Variants in SND1 observed in about 807,000 individuals in gnomAD.
SND1 encodes the protein staphylococcal nuclease and tudor domain containing 1, also known as staphylococcal nuclease domain-containing protein 1.
In SND1, 38 loss-of-function variants were observed where a neutral mutation model predicts 121.7. The ratio of observed to expected loss-of-function variants is 0.31; its 90% CI spans 0.24 to 0.41. The LOEUF (loss-of-function observed/expected upper bound fraction) is 0.41. SND1 is among the 10% of genes least tolerant of loss of function. The probability of loss-of-function intolerance (pLI) is 1.00; values close to 1 mark genes in which losing one functional copy is unlikely to be tolerated. For synonymous variants in SND1, 401 were observed against 447.4 expected, an observed-to-expected ratio of 0.90 and a Z score of 1.31; for missense variants, 868 against 1,184.6, an observed-to-expected ratio of 0.73 and a Z score of 3.92.
intron 10 of SND1, among the ~76,000 whole-genome samples, chr7:127,796,221 T>C (rs1331179189): frequency 6.6e-6 from 1 of 152,078 alleles, no homozygotes; most frequent in Non-Finnish European, 1.5e-5. Flanking sequence ...CAGTTTGTAT[T>C]CAACTAGTAT....
rs539004606 is a variant in SND1, at chr7:127,707,018, G to A, written c.948-539G>A. On this transcript the variant is annotated intron_variant, in intron 8 of 23. Transcript: ENST00000354725. ...TAGTCTGGCTCAGAAAATATCTACT[G>A]GGCATAATACTTCAAAATAAATTTC... Among the ~76,000 whole-genome samples the A allele has an allele frequency of 3.3e-5, 5 of 152,058 alleles. No individual in the cohort carries two copies. In the South Asian group the frequency reaches 1.0e-3, roughly 31 times the overall value.
chr7:127,790,567 A>G (rs1304445359), intron 10 of SND1, among the ~76,000 whole-genome samples: 4 of 152,138 alleles, frequency 2.6e-5, no homozygotes, highest in Non-Finnish European at 4.4e-5. Flanking sequence ...CTTTTTCTTC[A>G]TAAGTAAAAA....
chr7:127,890,732 G>C (rs956709733), intron 13 of SND1, among the ~76,000 whole-genome samples: 8 of 152,142 alleles, frequency 5.3e-5, no homozygotes, highest in African/African-American at 1.9e-4. Context: ...AGCATTCATA[G>C]ATAGTGAAAT....
intron 11 of SND1, among the ~76,000 whole-genome samples, chr7:127,809,542 A>T (rs540391862): frequency 6.6e-6 from 1 of 152,326 alleles, no homozygotes; most frequent in Admixed American, 6.5e-5. Flanking sequence ...ACATCATTGC[A>T]CATTTCTACC....
Position 128,035,336 on chromosome 7 carries a change from G to A in SND1, c.1780-39166G>A, listed in dbSNP as rs946419369. On this transcript the variant is annotated intron_variant, in intron 16 of 23. Coordinates refer to ENST00000354725, the MANE Select transcript of SND1 (RefSeq NM_014390.4). The stretch of plus-strand genomic sequence containing the variant: ...TCCTTTGGAATTGTAGCCAAGTCTT[G>A]GAAATGGGCCACAAAGTTAAGTGAG... Among the ~76,000 whole-genome samples the A allele has an allele frequency of 3.3e-5, 5 of 152,220 alleles. No individual in the cohort carries two copies. In the South Asian group the frequency reaches 6.2e-4, roughly 19 times the overall value.
intron 15 of SND1, among the ~76,000 whole-genome samples, chr7:127,971,564 C>T (rs1801986566): frequency 6.6e-6 from 1 of 152,074 alleles, no homozygotes; most frequent in Admixed American, 6.6e-5. Flanking sequence ...TCAGAAAATA[C>T]ATACAAAGAT....
chr7:128,012,434 T>C (rs939005224), intron 16 of SND1, among the ~76,000 whole-genome samples: 4 of 152,184 alleles, frequency 2.6e-5, no homozygotes, highest in African/African-American at 4.8e-5. Context: ...TGCAGCTGCA[T>C]TGTAACACAT....
chr7:127,734,052 C>G (rs148270211), intron 10 of SND1, among the ~76,000 whole-genome samples: 1 of 152,210 alleles, frequency 6.6e-6, no homozygotes, highest in East Asian at 1.9e-4. Flanking sequence ...TTGCTCTTAC[C>G]AATGGAAGAG....
chr7:127,816,936 C>G (rs1798453801), intron 11 of SND1, among the ~76,000 whole-genome samples: 1 of 152,168 alleles, frequency 6.6e-6, no homozygotes, highest in South Asian at 2.1e-4. Context: ...GCTAGAATTA[C>G]AGGTATGAGC....
chr7:127,762,242 C>T (rs1797318067), intron 10 of SND1, among the ~76,000 whole-genome samples: 1 of 152,110 alleles, frequency 6.6e-6, no homozygotes, highest in Admixed American at 6.5e-5. Context: ...AACAAAATAC[C>T]ATAGACTCAA....
At chr7:127,974,986 A>G (rs547800114) in intron 15 of SND1, among the ~76,000 whole-genome samples, 1 of 152,350 alleles carries the variant, frequency 6.6e-6, no homozygotes, top group Admixed American at 6.5e-5. Flanking sequence ...TTTGGGCCAG[A>G]GAGTGTCCAG....
intron 10 of SND1, among the ~76,000 whole-genome samples, chr7:127,726,575 G>T (rs887778296): frequency 6.6e-6 from 1 of 152,198 alleles, no homozygotes; most frequent in Non-Finnish European, 1.5e-5. Flanking sequence ...CACATTTTGC[G>T]ATCTCAGGAC....
chr7:127,875,612 C>G (rs951702425), intron 12 of SND1, among the ~76,000 whole-genome samples: 9 of 152,174 alleles, frequency 5.9e-5, no homozygotes, highest in African/African-American at 1.9e-4. Flanking sequence ...AATCATGGCT[C>G]TGCCACTTAC....
At chr7:127,981,768 C>A (rs1802268254) in intron 15 of SND1, among the ~76,000 whole-genome samples, 1 of 152,160 alleles carries the variant, frequency 6.6e-6, no homozygotes, top group Non-Finnish European at 1.5e-5. Context: ...CAGTATAAGG[C>A]CTCTAAGTCA....
chr7:127,847,044 G>C (rs988396332), intron 12 of SND1, among the ~76,000 whole-genome samples: 1 of 152,012 alleles, frequency 6.6e-6, no homozygotes, highest in Non-Finnish European at 1.5e-5. Flanking sequence ...GAGGCGGTTG[G>C]ATCACCTGAG....
At position 128,092,228 on chromosome 7, in the gene SND1, C is replaced by G; in HGVS notation, c.*170C>G. 3.0e-6 allele frequency: 2 copies of G among 657,698 alleles called. No individual in the cohort carries two copies. The highest frequency in any genetic ancestry group is 4.1e-4 in the Middle Eastern group (1 of 2,468). The allele number at this position is 657,698 out of a possible 1,614,324, so 40.7% of individuals were successfully genotyped here. ...GCATCGGGGCTGCGGGGTGGGGACC[C>G]CAAGGCTTTCTGGGGCAGACCCTTG... On this transcript the variant is annotated 3_prime_UTR_variant, in exon 24 of 24. Coordinates refer to ENST00000354725, the MANE Select transcript of SND1 (RefSeq NM_014390.4). This position sits in a 1 kb window ranked among gnomAD's most constrained non-coding sequence, Gnocchi z 4.9.
intron 2 of SND1, among the ~76,000 whole-genome samples, chr7:127,691,614 TTTTG>T (rs1176776251): frequency 2.0e-5 from 3 of 151,462 alleles, no homozygotes; most frequent in East Asian, 1.9e-4. Context: ...ATTTTGCTGT[TTTTG>T]TTTGTTTGTT....
At chr7:127,805,856 C>T (rs1209147839) in intron 10 of SND1, among the ~76,000 whole-genome samples, 1 of 152,170 alleles carries the variant, frequency 6.6e-6, no homozygotes, top group Non-Finnish European at 1.5e-5. Context: ...CAATGGTGTA[C>T]ATCTAGGGTA....
At chr7:127,900,380 C>T (rs13246200) in intron 13 of SND1, among the ~76,000 whole-genome samples, 34,136 of 151,954 alleles carry the variant, frequency 0.22, 4,283 homozygotes, top group Middle Eastern at 0.32. Flanking sequence ...ACTGTGACTG[C>T]GGTGCTCAGA....
Sources: gnomAD v4.1 joint callset for allele counts (sites outside exome capture counted in the v4.1 genomes callset) on GRCh38, gnomAD v4.1.1 for gene constraint, Gnocchi (gnomAD v3.1) non-coding constraint, MANE v1.5 for transcripts, NCBI Gene and HGNC (gene_info 2026-07-23, HGNC 2026-07-21) for gene names.